PCDHGA6: variants seen among roughly 807,000 people sequenced by gnomAD.
PCDHGA6 encodes protocadherin gamma subfamily A, 6.
Under a neutral mutation model 60.6 loss-of-function variants are expected in PCDHGA6, and 41 were observed. The observed-to-expected ratio is 0.68, with a 90% CI of 0.53 to 0.88. The LOEUF (loss-of-function observed/expected upper bound fraction) is 0.88. Ranked by LOEUF, PCDHGA6 falls within the 40% of genes least tolerant of loss-of-function variation. The pLI is 0.00. For missense variants in PCDHGA6, 1,312 were observed against 1,203.0 expected, an observed-to-expected ratio of 1.09 and a Z score of -1.34; for synonymous variants, 594 against 524.4, an observed-to-expected ratio of 1.13 and a Z score of -1.81.
chr5:141,426,488 T>G, intron 1 of PCDHGA6: 1 of 328,024 alleles, frequency 3.0e-6, no homozygotes, highest in Non-Finnish European at 6.1e-6. Context: ...AACCTTAGAG[T>G]TAGTGCAGAG....
In PCDHGA6 at chr5:141,487,819, C is replaced by A; in HGVS notation, c.2425-6988C>A. 2.3e-6 allele frequency: 3 copies of A among 1,285,528 alleles called. No homozygotes were observed. Among genetic ancestry groups the A allele is most frequent in the Non-Finnish European group, 3.2e-6 (3 of 932,998 alleles). 79.6% of individuals were successfully genotyped at this position (1,285,528 alleles called of 1,614,324 possible). On this transcript the variant is annotated intron_variant, in intron 1 of 3. Transcript: ENST00000517434. This position sits in a 1 kb window ranked among gnomAD's most constrained non-coding sequence, Gnocchi z 5.0. ...AGTTGTCACAGTTTAGCATTGGGGG[C>A]GGGTCATGCCTATATCTGAGTAAGA...
At chr5:141,405,355 A>G in intron 1 of PCDHGA6, 2 of 1,613,990 alleles carry the variant, frequency 1.2e-6, no homozygotes, top group South Asian at 1.1e-5. Flanking sequence ...AGTTTCCTAT[A>G]GAAGACACCC....
Position 141,374,130 on chromosome 5 carries a change from T to C in PCDHGA6, c.47T>C (p.Leu16Pro). ...CCGCAGCGCAGCGAGCAGGTCCTGCTCCTCACGCTCCTGGGGACGCTGTGG... is the reference window on the plus strand; with the variant it reads ...CCGCAGCGCAGCGAGCAGGTCCTGCCCCTCACGCTCCTGGGGACGCTGTGG... ...RHPQRSEQVL[L>P]LTLLGTLWGA... The change falls in exon 1 of 4, where the codon CTC becomes CCC. Residue 16 changes from leucine to proline, a missense_variant. Leu to Pro is a moderately conservative substitution (Grantham distance 98). Coordinates refer to ENST00000517434, the MANE Select transcript of PCDHGA6 (RefSeq NM_018919.3). 1.9e-6 allele frequency: 3 copies of C among 1,604,204 alleles called. No homozygotes were observed. The highest frequency in any genetic ancestry group is 1.7e-6 in the Non-Finnish European group (2 of 1,173,820).
In PCDHGA6 at chr5:141,490,925, C is replaced by T; in HGVS notation, c.2425-3882C>T. 1 of 1,613,688 alleles carries T rather than the reference C, an allele frequency of 6.2e-7. No homozygotes were observed. The highest frequency in any genetic ancestry group is 8.5e-7 in the Non-Finnish European group (1 of 1,179,700). On this transcript the variant is annotated intron_variant, in intron 1 of 3. Coordinates refer to ENST00000517434, the MANE Select transcript of PCDHGA6 (RefSeq NM_018919.3). The surrounding 1 kb of genome is among the most constrained non-coding windows in gnomAD (Gnocchi z 5.4). ...GTCCTAGACGAGAATGATAATGCCC[C>T]AGCTGTGCTGCACCCACGGCCAGAC... is the stretch of plus-strand genomic sequence containing the variant.
chr5:141,511,267 C>G lies in PCDHGA6; in HGVS notation c.*94C>G. The G allele has an allele frequency of 6.5e-7, 1 of 1,549,404 alleles. No homozygotes were observed. The highest frequency in any genetic ancestry group is 8.7e-7 in the Non-Finnish European group (1 of 1,146,836). On this transcript the variant is annotated 3_prime_UTR_variant, in exon 4 of 4. Coordinates refer to ENST00000517434, the MANE Select transcript of PCDHGA6 (RefSeq NM_018919.3). Reference sequence around the variant, plus strand: ...CCAGGCCTCAGAGTTTCAGGGCTAACCCCCAGAATACTGGTAGGGGCCAAG... The same window carrying G: ...CCAGGCCTCAGAGTTTCAGGGCTAAGCCCCAGAATACTGGTAGGGGCCAAG...
intron 1 of PCDHGA6, chr5:141,392,676 C>G: frequency 1.1e-6 from 1 of 917,280 alleles, no homozygotes. Context: ...AACTGCTGGA[C>G]TGCAGCGAAA....
intron 1 of PCDHGA6, chr5:141,384,161 C>T (rs1476096646): frequency 1.2e-6 from 2 of 1,613,520 alleles, no homozygotes; most frequent in Non-Finnish European, 1.7e-6. Flanking sequence ...TATAACATCA[C>T]ACTGAAAGCC....
chr5:141,398,298 C>T (rs746476042), intron 1 of PCDHGA6: 1 of 1,362,258 alleles, frequency 7.3e-7, no homozygotes, highest in South Asian at 1.3e-5. Flanking sequence ...TGGGGTTCAG[C>T]GTCCAGGAGT....
intron 1 of PCDHGA6, chr5:141,400,053 G>C: frequency 6.2e-7 from 1 of 1,613,736 alleles, no homozygotes; most frequent in Non-Finnish European, 8.5e-7. Flanking sequence ...TGGTTGCTGT[G>C]CGTGATGGTG....
In PCDHGA6 at chr5:141,476,718, C is replaced by T; in HGVS notation, c.2425-18089C>T. On this transcript the variant is annotated intron_variant, in intron 1 of 3. Transcript: ENST00000517434. The surrounding 1 kb of genome is among the most constrained non-coding windows in gnomAD (Gnocchi z 7.6). ...TACGCGGAGCTGGTGTTGGAGCGCG[C>T]CCTGGACCGAGAACGGGAGCCTAGT... The T allele has an allele frequency of 1.2e-6, 2 of 1,614,144 alleles. No individual in the cohort carries two copies. The highest frequency in any genetic ancestry group is 2.2e-5 in the East Asian group (1 of 44,874).
In PCDHGA6 at chr5:141,389,747, G is replaced by C. The variant is rs766506538; in HGVS notation, c.2424+13240G>C. 6 of 1,612,724 alleles carry C rather than the reference G, an allele frequency of 3.7e-6. No individual in the cohort carries two copies. The South Asian group carries it at 4.4e-5, about 12-fold the overall frequency. ...GGCTCTTCAGCCTGGGGCTGCGCAC[G>C]GGCGAAGTGCGCACAGCGCGTGCCT... is the stretch of plus-strand genomic sequence containing the variant. On this transcript the variant is annotated intron_variant, in intron 1 of 3. Coordinates refer to ENST00000517434, the MANE Select transcript of PCDHGA6 (RefSeq NM_018919.3).
chr5:141,375,437 T>G lies in PCDHGA6; in HGVS notation c.1354T>G (p.Phe452Val), dbSNP rs763678633. The change falls in exon 1 of 4, where the codon TTC becomes GTC. Residue 452 changes from phenylalanine to valine, a missense_variant. Transcript: ENST00000517434. ...AGACACCAACGACAACCCGCCCACC[T>G]TCCCCCATTCATCCTACTCAGTCTA... ...VADTNDNPPTFPHSSYSVYVL... is the reference protein window; with the variant it reads ...VADTNDNPPTVPHSSYSVYVL... 5 of 1,613,964 alleles carry G rather than the reference T, an allele frequency of 3.1e-6. No individual in the cohort carries two copies. The highest frequency in any genetic ancestry group is 4.2e-6 in the Non-Finnish European group (5 of 1,180,022).
At chr5:141,502,400 C>T (rs964923206) in intron 2 of PCDHGA6, among the ~76,000 whole-genome samples, 2 of 151,748 alleles carry the variant, frequency 1.3e-5, no homozygotes, top group African/African-American at 4.8e-5. Flanking sequence ...AAAATGTCCC[C>T]GAACCTGGAT....
chr5:141,428,029 C>T (rs775747505), intron 1 of PCDHGA6: 1 of 1,607,160 alleles, frequency 6.2e-7, no homozygotes, highest in Non-Finnish European at 8.5e-7. Flanking sequence ...GCCGCAGAGT[C>T]CGGCTACCTG....
At chr5:141,453,288 A>T (rs931678565) in intron 1 of PCDHGA6, among the ~76,000 whole-genome samples, 18 of 151,342 alleles carry the variant, frequency 1.2e-4, no homozygotes, top group Admixed American at 3.3e-4. Context: ...TAATTTTTTA[A>T]TTATTTATTT....
intron 1 of PCDHGA6, among the ~76,000 whole-genome samples, chr5:141,463,944 T>C (rs1454454223): frequency 3.3e-5 from 5 of 152,158 alleles, no homozygotes; most frequent in African/African-American, 4.8e-5. Flanking sequence ...TTTATAGAAA[T>C]CTTCATTTTT....
chr5:141,387,669 TCTC>T lies in PCDHGA6; in HGVS notation c.2424+11166_2424+11168del, dbSNP rs61279892. 2,271 of 693,780 alleles carry T rather than the reference TCTC, an allele frequency of 3.3e-3. 45 individuals are homozygous for T. In the African/African-American group the frequency reaches 0.034, roughly 10 times the overall value. 43.0% of individuals were successfully genotyped at this position (693,780 alleles called of 1,614,324 possible). A position where few individuals can be genotyped will look rare whatever the true frequency, so the allele number is the denominator to read the frequency against. ...AAAGTGGAGAGCTTGGCGCTCCAGA[TCTC>T]CTCGCGCAGCCGCAGCGCGCTTTCC... On this transcript the variant is annotated intron_variant, in intron 1 of 3. Coordinates refer to ENST00000517434, the MANE Select transcript of PCDHGA6 (RefSeq NM_018919.3).
chr5:141,398,738 A>G, intron 1 of PCDHGA6: 1 of 1,613,880 alleles, frequency 6.2e-7, no homozygotes, highest in Admixed American at 1.7e-5. Flanking sequence ...GACCGGGAAC[A>G]ACAGAGTTAC....
At position 141,487,137 on chromosome 5, in the gene PCDHGA6, T is replaced by A. The variant is rs2154580779; in HGVS notation, c.2425-7670T>A. ...GTAAAGGATAGTGGTAGTCCACCAC[T>A]CTCTACCTCTGTTACTCTCTTAGTG... On this transcript the variant is annotated intron_variant, in intron 1 of 3. Coordinates refer to ENST00000517434, the MANE Select transcript of PCDHGA6 (RefSeq NM_018919.3). The surrounding 1 kb of genome is among the most constrained non-coding windows in gnomAD (Gnocchi z 5.0). 1.9e-6 allele frequency: 3 copies of A among 1,614,092 alleles called. No individual in the cohort carries two copies. The East Asian group carries it at 6.7e-5, about 36-fold the overall frequency.
Sources: gnomAD v4.1 joint callset for allele counts (sites outside exome capture counted in the v4.1 genomes callset) on GRCh38, gnomAD v4.1.1 for gene constraint, Gnocchi (gnomAD v3.1) non-coding constraint, MANE v1.5 for transcripts, NCBI Gene and HGNC (gene_info 2026-07-23, HGNC 2026-07-21) for gene names.